The following CPE variants were observed in gnomAD, a reference collection of about 807,000 sequenced individuals.
CPE encodes the protein carbocypeptidase E.
Under a neutral mutation model 53.5 loss-of-function variants are expected in CPE, and 17 were observed. That is an observed-to-expected ratio of 0.32 (90% CI 0.22 to 0.48). CPE has a LOEUF of 0.48. Ranked by LOEUF, CPE falls within the 20% of genes least tolerant of loss-of-function variation. The pLI is 0.99. For synonymous variants in CPE, 226 were observed against 228.8 expected (o/e 0.99, Z 0.11); for missense variants, 524 against 614.7 (o/e 0.85, Z 1.56).
intron 1 of CPE, among the ~76,000 whole-genome samples, chr4:165,423,058 A>G (rs61229216): frequency 0.29 from 44,429 of 150,900 alleles, 6,639 homozygotes; most frequent in Middle Eastern, 0.4. Context: ...GGTGTTCCAG[A>G]TAAGAGACAA....
At chr4:165,398,732 A>G (rs893653202) in intron 1 of CPE, among the ~76,000 whole-genome samples, 7 of 152,198 alleles carry the variant, frequency 4.6e-5, no homozygotes, top group African/African-American at 1.7e-4. Flanking sequence ...ACGGCTTAGC[A>G]ACTGAAGACA....
chr4:165,410,576 G>A (rs941651553), intron 1 of CPE, among the ~76,000 whole-genome samples: 1 of 152,200 alleles, frequency 6.6e-6, no homozygotes, highest in Non-Finnish European at 1.5e-5. Context: ...CAGAAGTCCT[G>A]TAAGTTTGCA....
At chr4:165,489,982 G>T (rs192044602) in intron 6 of CPE, among the ~76,000 whole-genome samples, 1 of 152,308 alleles carries the variant, frequency 6.6e-6, no homozygotes, top group Non-Finnish European at 1.5e-5. Context: ...AGCTCATCTA[G>T]CTTGCATCAT....
intron 1 of CPE, among the ~76,000 whole-genome samples, chr4:165,397,810 G>A (rs1009297636): frequency 2.0e-5 from 3 of 151,880 alleles, no homozygotes; most frequent in South Asian, 2.1e-4. Flanking sequence ...GGAGGCCAAC[G>A]TGGGAGGATT....
intron 1 of CPE, among the ~76,000 whole-genome samples, chr4:165,412,503 A>G (rs1012588782): frequency 6.6e-6 from 1 of 152,194 alleles, no homozygotes; most frequent in Non-Finnish European, 1.5e-5. Flanking sequence ...TACTATTATT[A>G]TCTCGATTTT....
chr4:165,412,538 A>G (rs1731058457), intron 1 of CPE, among the ~76,000 whole-genome samples: 1 of 152,174 alleles, frequency 6.6e-6, no homozygotes, highest in South Asian at 2.1e-4. Flanking sequence ...TGAGGCACAG[A>G]GGAGTTGTGT....
chr4:165,432,569 T>C (rs1731432250), intron 1 of CPE, among the ~76,000 whole-genome samples: 1 of 152,220 alleles, frequency 6.6e-6, no homozygotes, highest in Non-Finnish European at 1.5e-5. Context: ...GTGCTGGGAT[T>C]ATAGACATGA....
intron 1 of CPE, among the ~76,000 whole-genome samples, chr4:165,417,077 G>C (rs1731137302): frequency 6.6e-6 from 1 of 152,088 alleles, no homozygotes; most frequent in South Asian, 2.1e-4. Flanking sequence ...ACTGGGCTTA[G>C]GGGACAGAAA....
At chr4:165,405,808 C>T in intron 1 of CPE, 1 of 767,784 alleles carries the variant, frequency 1.3e-6, no homozygotes, top group East Asian at 2.6e-5. Flanking sequence ...TTTGGGCAGC[C>T]TTTGTGTGCC....
intron 6 of CPE, among the ~76,000 whole-genome samples, chr4:165,492,152 T>G (rs112722517): frequency 1.2e-4 from 19 of 152,326 alleles, no homozygotes; most frequent in African/African-American, 3.8e-4. Flanking sequence ...TGACTACAAC[T>G]TAATTTAGGG....
In CPE at chr4:165,379,476, C is replaced by T. The variant is rs1451614600; in HGVS notation, c.255C>T (p.Gly85=). 3 of 1,602,984 alleles carry T rather than the reference C, an allele frequency of 1.9e-6. No individual in the cohort carries two copies. The Admixed American group carries it at 5.0e-5, about 27-fold the overall frequency. The stretch of plus-strand genomic sequence containing the variant: ...ACACGGTGGGGCGCAGCTTCGAGGG[C>T]CGGGAGCTCCTGGTCATCGAGCTGT... ...RIYTVGRSFE[G]RELLVIELSD... Residue 85 remains glycine (G), a synonymous_variant, in exon 1 of 9, where the codon GGC becomes GGT. Transcript: ENST00000402744. The surrounding 1 kb of genome is among the most constrained non-coding windows in gnomAD (Gnocchi z 6.0).
chr4:165,461,785 T>C (rs1732013555), intron 1 of CPE, among the ~76,000 whole-genome samples: 1 of 152,170 alleles, frequency 6.6e-6, no homozygotes, highest in African/African-American at 2.4e-5. Flanking sequence ...ATGCTGTATT[T>C]AAACAATGTG....
chr4:165,387,823 T>C (rs1305921808), intron 1 of CPE, among the ~76,000 whole-genome samples: 1 of 152,074 alleles, frequency 6.6e-6, no homozygotes, highest in Admixed American at 6.5e-5. Flanking sequence ...AAGACCTCCA[T>C]GTTGGTCAGG....
chr4:165,439,178 G>GACCAACCA (rs779018521), intron 1 of CPE, among the ~76,000 whole-genome samples: 1 of 152,118 alleles, frequency 6.6e-6, no homozygotes, highest in Non-Finnish European at 1.5e-5. Flanking sequence ...TTGAAAAACC[G>GACCAACCA]ACCAACCAAC....
At chr4:165,421,281 T>C (rs934124327) in intron 1 of CPE, among the ~76,000 whole-genome samples, 3 of 152,204 alleles carry the variant, frequency 2.0e-5, no homozygotes, top group Non-Finnish European at 4.4e-5. Context: ...ACACATGTAT[T>C]GAAAGGTATA....
At chr4:165,430,134 G>A (rs952413512) in intron 1 of CPE, among the ~76,000 whole-genome samples, 3 of 152,116 alleles carry the variant, frequency 2.0e-5, no homozygotes, top group African/African-American at 2.4e-5. Flanking sequence ...GTTTTTAGTA[G>A]CTGCAGAAAT....
intron 2 of CPE, among the ~76,000 whole-genome samples, chr4:165,465,031 A>T (rs1732073657): frequency 1.3e-5 from 2 of 152,224 alleles, no homozygotes; most frequent in South Asian, 4.1e-4. Flanking sequence ...ATAATGTTTT[A>T]CTGATGTTTA....
intron 1 of CPE, among the ~76,000 whole-genome samples, chr4:165,397,219 A>G (rs144367699): frequency 6.6e-6 from 1 of 152,166 alleles, no homozygotes; most frequent in African/African-American, 2.4e-5. Context: ...AATGTACTAT[A>G]TATTATTGCT....
chr4:165,446,938 T>C (rs554764585), intron 1 of CPE, among the ~76,000 whole-genome samples: 22 of 152,322 alleles, frequency 1.4e-4, no homozygotes, highest in African/African-American at 5.3e-4. Flanking sequence ...TGTCATTGAA[T>C]GAACATCAGA....
Sources: gnomAD v4.1 joint callset for allele counts (sites outside exome capture counted in the v4.1 genomes callset) on GRCh38, gnomAD v4.1.1 for gene constraint, Gnocchi (gnomAD v3.1) non-coding constraint, MANE v1.5 for transcripts, NCBI Gene and HGNC (gene_info 2026-07-23, HGNC 2026-07-21) for gene names.